Variants in ASIC5 observed in about 807,000 individuals in gnomAD.
The protein encoded by ASIC5 is bile acid-sensitive ion channel.
In ASIC5, 52 loss-of-function variants were observed where a neutral mutation model predicts 51.2. The ratio of observed to expected loss-of-function variants is 1.02; its 90% CI spans 0.81 to 1.28. The LOEUF is 1.28. Among genes scored for constraint, ASIC5 ranks in the 50% most tolerant of loss-of-function variants. The pLI, the probability that ASIC5 is intolerant of heterozygous loss-of-function variation, is 0.00. For synonymous variants in ASIC5, 231 were observed against 200.7 expected, an observed-to-expected ratio of 1.15 and a Z score of -1.28; for missense variants, 635 against 595.0, an observed-to-expected ratio of 1.07 and a Z score of -0.70.
At chr4:155,856,475 T>C (rs559764068) in intron 2 of ASIC5, among the ~76,000 whole-genome samples, 1 of 152,244 alleles carries the variant, frequency 6.6e-6, no homozygotes, top group African/African-American at 2.4e-5. Flanking sequence ...ATATTGTAGC[T>C]TGCTTAACTA....
rs769655464 is a variant in ASIC5 at position 155,852,309 on chromosome 4, G to A, written c.593C>T (p.Ala198Val). The A allele has an allele frequency of 3.8e-6, 6 of 1,582,986 alleles. No individual in the cohort carries two copies. Among genetic ancestry groups the A allele is most frequent in the Non-Finnish European group, 5.1e-6 (6 of 1,169,894 alleles). The part of the protein sequence containing the change: ...FGKPCSPKDF[A>V]HVFTEYGNCF... ...ATTTCCATATTCAGTGAAGACATGTGCAAAATCCTCCAATATGTAAATGAA... is the reference window on the plus strand; with the variant it reads ...ATTTCCATATTCAGTGAAGACATGTACAAAATCCTCCAATATGTAAATGAA... Residue 198 changes from alanine to valine, a missense_variant, in exon 4 of 10, where the codon GCA becomes GTA. Coordinates refer to ENST00000537611, the MANE Select transcript of ASIC5 (RefSeq NM_017419.3).
At chr4:155,844,307 A>AAAACAAAAAACAAAC (rs1315752673) in intron 4 of ASIC5, among the ~76,000 whole-genome samples, 29 of 152,060 alleles carry the variant, frequency 1.9e-4, no homozygotes, top group Non-Finnish European at 3.4e-4. Context: ...CGCTATTAAA[A>AAAACAAAAAACAAAC]AAACAAAAAA....
At chr4:155,837,894 G>A (rs1429289653) in intron 7 of ASIC5, among the ~76,000 whole-genome samples, 6 of 151,756 alleles carry the variant, frequency 4.0e-5, no homozygotes, top group East Asian at 1.9e-4. Flanking sequence ...AACAGTCCCC[G>A]CTAAACTGCA....
rs148195943 is a variant in ASIC5 at position 155,829,848 on chromosome 4, A to G, written c.*8T>C. The stretch of plus-strand genomic sequence containing the variant: ...ATGAAAAGGAAACTATTTTATTCTA[A>G]GTGACCATTAACACTCCTCTATCCT... On this transcript the variant is annotated 3_prime_UTR_variant, in exon 10 of 10. Transcript: ENST00000537611. 6.6e-3 allele frequency: 9,905 copies of G among 1,496,414 alleles called. 63 individuals carry two copies. Among genetic ancestry groups the G allele is most frequent in the Non-Finnish European group, 6.4e-3 (7,174 of 1,121,230 alleles). 92.7% of individuals were successfully genotyped at this position (1,496,414 alleles called of 1,614,324 possible).
At chr4:155,830,605 T>A (rs555857618) in intron 9 of ASIC5, among the ~76,000 whole-genome samples, 1 of 152,336 alleles carries the variant, frequency 6.6e-6, no homozygotes, top group African/African-American at 2.4e-5. Context: ...TACCCTAAAA[T>A]TTACCATGTT....
chr4:155,852,132 C>G (rs1741395169), intron 4 of ASIC5, 59 bp downstream of exon 4: 4 of 1,593,804 alleles, frequency 2.5e-6, no homozygotes, highest in Non-Finnish European at 3.4e-6. Flanking sequence ...ATAGTCTGAT[C>G]AAGTTTTTGA....
At chr4:155,832,364 A>G (rs1398882171) in intron 8 of ASIC5, among the ~76,000 whole-genome samples, 2 of 152,188 alleles carry the variant, frequency 1.3e-5, no homozygotes. Context: ...AATTATGTAT[A>G]TGCAAAATGG....
rs1394040389 is a variant in ASIC5 at position 155,866,247 on chromosome 4, G to C, written c.-21C>G. The stretch of plus-strand genomic sequence containing the variant: ...TCCATTTGTGATTTCAGTTAAGCAA[G>C]AGTCCTCAGGGTAACCCAATTTTCA... On this transcript the variant is annotated 5_prime_UTR_variant, in exon 1 of 10. Coordinates refer to ENST00000537611, the MANE Select transcript of ASIC5 (RefSeq NM_017419.3). The C allele has an allele frequency of 1.2e-6, 2 of 1,601,960 alleles. No homozygotes were observed. The highest frequency in any genetic ancestry group is 2.2e-5 in the South Asian group (2 of 90,330).
chr4:155,838,358 C>T (rs953250530), intron 7 of ASIC5, among the ~76,000 whole-genome samples: 3 of 152,076 alleles, frequency 2.0e-5, no homozygotes, highest in Admixed American at 2.0e-4. Context: ...ATAAATATGG[C>T]ATGTACAGTT....
At chr4:155,853,599 CTAGTTATTATATATAATATATAATATATA>C in intron 3 of ASIC5, among the ~76,000 whole-genome samples, 1 of 2,822 alleles carries the variant, frequency 3.5e-4, no homozygotes, top group South Asian at 0.018. Context: ...ATAATATATA[CTAGTTATTATATATAATATATAATATATA>C]ATAATAATAT....
intron 8 of ASIC5, among the ~76,000 whole-genome samples, chr4:155,834,213 A>C (rs1042706911): frequency 1.3e-5 from 2 of 152,172 alleles, no homozygotes; most frequent in African/African-American, 4.8e-5. Context: ...CAACATTTTG[A>C]GGTACAGCAG....
chr4:155,841,015 T>G (rs1208349185), intron 6 of ASIC5, among the ~76,000 whole-genome samples: 2 of 152,024 alleles, frequency 1.3e-5, no homozygotes, highest in African/African-American at 2.4e-5. Flanking sequence ...AACCCCTGAT[T>G]CACTGGTTCA....
rs1741773097 is a variant in ASIC5, at chr4:155,863,546, G to A, written c.249C>T (p.Arg83=). 1 of 1,613,776 alleles carries A rather than the reference G, an allele frequency of 6.2e-7. No homozygotes were observed. Among genetic ancestry groups the A allele is most frequent in the Non-Finnish European group, 8.5e-7 (1 of 1,179,876 alleles). Residue 83 remains arginine, a synonymous_variant, in exon 2 of 10, where the codon CGC becomes CGT. Transcript: ENST00000537611. ...TTGGCCATGTGAAGTAGTTGAGCAA[G>A]CGAATGTAGATCTGCCATGTCACAA... ...VSLVTWQIYI[R]LLNYFTWPTT...
chr4:155,852,116 G>A, intron 4 of ASIC5, 75 bp downstream of exon 4: 1 of 1,495,012 alleles, frequency 6.7e-7, no homozygotes, highest in East Asian at 2.3e-5. Context: ...TATCTGATAT[G>A]GCCCAATAGT....
At chr4:155,843,648 C>T (rs1579288253) in intron 5 of ASIC5, 33 bp downstream of exon 5, 1 of 1,610,218 alleles carries the variant, frequency 6.2e-7, no homozygotes. Context: ...GCATTCACTA[C>T]CCCACCTAAT....
At chr4:155,847,847 C>T (rs930362194) in intron 4 of ASIC5, among the ~76,000 whole-genome samples, 18 of 151,962 alleles carry the variant, frequency 1.2e-4, no homozygotes, top group African/African-American at 2.7e-4. Context: ...TTGCAATGGG[C>T]GATATTAAAA....
At chr4:155,855,356 C>A (rs575720590) in intron 2 of ASIC5, 1 of 151,972 alleles carries the variant, frequency 6.6e-6, no homozygotes, top group Admixed American at 6.6e-5. Context: ...ATAAATGATT[C>A]ATTCTGGCCA....
chr4:155,836,969 C>A, intron 7 of ASIC5, 112 bp from the exon 8 acceptor site: 3 of 761,954 alleles, frequency 3.9e-6, no homozygotes, highest in South Asian at 4.9e-5. Flanking sequence ...AGGTGGTTAC[C>A]AACAACAAAT....
chr4:155,830,318 G>A (rs183957602), intron 9 of ASIC5, among the ~76,000 whole-genome samples: 4 of 151,882 alleles, frequency 2.6e-5, no homozygotes, highest in Admixed American at 6.6e-5. Flanking sequence ...ATAAAATCTC[G>A]GTAAATTCAT....
Sources: allele counts gnomAD v4.1 joint callset (sites outside exome capture counted in the v4.1 genomes callset), GRCh38; gene constraint gnomAD v4.1.1; transcripts MANE v1.5; gene names NCBI Gene and HGNC (gene_info 2026-07-23, HGNC 2026-07-21).